The following COL15A1 variants were observed in gnomAD, a reference collection of about 807,000 sequenced individuals.
COL15A1 encodes collagen type XV alpha 1 chain, also known as collagen alpha-1(XV) chain.
A neutral mutation model predicts 165.9 loss-of-function variants in COL15A1; 111 were observed. That is an observed-to-expected ratio of 0.67 (90% CI 0.57 to 0.78). The LOEUF (loss-of-function observed/expected upper bound fraction) is 0.78, where lower values mean the gene tolerates loss of function less well. Among genes scored for constraint, COL15A1 ranks in the 30% least tolerant of loss-of-function variants. COL15A1 has a pLI of 0.00. For synonymous variants in COL15A1, 659 were observed against 674.8 expected (o/e 0.98, Z 0.36); for missense variants, 1,745 against 1,789.7 (o/e 0.98, Z 0.45).
intron 26 of COL15A1, among the ~76,000 whole-genome samples, 185 bp from the exon 27 acceptor site, chr9:99,047,601 A>G (rs1043274703): frequency 1.3e-5 from 2 of 152,152 alleles, no homozygotes; most frequent in African/African-American, 4.8e-5. Context: ...AGGTGCTTCT[A>G]GCTGAGAGCG....
At chr9:99,045,140 TAAA>T (rs2119085774) in intron 26 of COL15A1, among the ~76,000 whole-genome samples, 1 of 152,264 alleles carries the variant, frequency 6.6e-6, no homozygotes, top group Non-Finnish European at 1.5e-5. Context: ...TGAAAGATAA[TAAA>T]CATCACTTCT....
At chr9:99,041,624 G>C (rs1839407747) in intron 23 of COL15A1, among the ~76,000 whole-genome samples, 1 of 152,156 alleles carries the variant, frequency 6.6e-6, no homozygotes, top group Non-Finnish European at 1.5e-5. Context: ...GGATGGGCTG[G>C]GGTGCCAGGC....
chr9:98,945,361 C>T (rs1374926216), intron 2 of COL15A1, among the ~76,000 whole-genome samples: 2 of 152,196 alleles, frequency 1.3e-5, no homozygotes, highest in Non-Finnish European at 2.9e-5. Context: ...GGACTTGAAT[C>T]CAGGTCTGTA....
intron 9 of COL15A1, among the ~76,000 whole-genome samples, chr9:99,005,494 C>T (rs145481988): frequency 1.3e-5 from 2 of 152,252 alleles, no homozygotes; most frequent in Non-Finnish European, 2.9e-5. Flanking sequence ...CACATCATCC[C>T]AAGGCACTTG....
At chr9:99,067,640 G>A (rs761559093) in intron 40 of COL15A1, among the ~76,000 whole-genome samples, 3 of 152,148 alleles carry the variant, frequency 2.0e-5, no homozygotes, top group Non-Finnish European at 4.4e-5. Flanking sequence ...TCTGGGTCCT[G>A]ATGACTGTTT....
chr9:99,055,571 G>C (rs1210875540), intron 34 of COL15A1, among the ~76,000 whole-genome samples, 199 bp downstream of exon 34: 5 of 152,222 alleles, frequency 3.3e-5, no homozygotes, highest in Non-Finnish European at 7.3e-5. Flanking sequence ...AGCTGGTCAA[G>C]GCCACATGAA....
chr9:99,016,089 C>T lies in COL15A1; in HGVS notation c.1617C>T (p.Pro539=), dbSNP rs766301298. The part of the protein sequence containing the change: ...PPPDGPPLPL[P]TVAPERWITP... ...CTGATGGGCCACCGCTGCCCCTGCCCACAGTGGCTCCTGAAAGATGGATCA... is the reference window on the plus strand; with the variant it reads ...CTGATGGGCCACCGCTGCCCCTGCCTACAGTGGCTCCTGAAAGATGGATCA... Residue 539 remains proline (P), a synonymous_variant, in exon 11 of 42, where the codon CCC becomes CCT. Transcript: ENST00000375001. The T allele has an allele frequency of 6.2e-7, 1 of 1,613,052 alleles. No individual in the cohort carries two copies. Among genetic ancestry groups the T allele is most frequent in the South Asian group, 1.1e-5 (1 of 90,998 alleles).
At chr9:98,991,117 C>A (rs1314084813) in intron 5 of COL15A1, among the ~76,000 whole-genome samples, 1 of 152,142 alleles carries the variant, frequency 6.6e-6, no homozygotes, top group Non-Finnish European at 1.5e-5. Context: ...AGTGTTACAG[C>A]TCATAAAGTC....
At chr9:99,062,596 G>C (rs937891866) in intron 38 of COL15A1, among the ~76,000 whole-genome samples, 1 of 152,164 alleles carries the variant, frequency 6.6e-6, no homozygotes, top group Non-Finnish European at 1.5e-5. Flanking sequence ...GGAATCATTG[G>C]TTGGTATAAG....
chr9:99,066,517 G>T (rs1360458619), intron 39 of COL15A1, among the ~76,000 whole-genome samples: 1 of 151,326 alleles, frequency 6.6e-6, no homozygotes, highest in Non-Finnish European at 1.5e-5. Context: ...AGACCCAGAG[G>T]TCTCAAACTT....
rs541268578 is a variant in COL15A1 at position 99,053,755 on chromosome 9, T to A, written c.2951-821T>A. ...CCCCCTGTTGACACCATCATTCCTG[T>A]GATGCTCATATTCCCTCCCCTTCAT... On this transcript the variant is annotated intron_variant, in intron 31 of 41. Transcript: ENST00000375001. Among the ~76,000 whole-genome samples, 9 of 152,318 alleles carry A rather than the reference T, an allele frequency of 5.9e-5. No homozygotes were observed. In the South Asian group the frequency reaches 1.9e-3, roughly 32 times the overall value.
At chr9:98,963,303 A>G (rs1026840342) in intron 2 of COL15A1, among the ~76,000 whole-genome samples, 6 of 152,304 alleles carry the variant, frequency 3.9e-5, no homozygotes, top group African/African-American at 1.4e-4. Context: ...TACTCCCATC[A>G]GAACCCACTG....
intron 7 of COL15A1, among the ~76,000 whole-genome samples, chr9:99,002,912 C>T (rs183340536): frequency 9.5e-4 from 144 of 152,346 alleles, no homozygotes; most frequent in African/African-American, 3.5e-3. Context: ...ACATAGTTTG[C>T]TGTCACCAGC....
intron 6 of COL15A1, among the ~76,000 whole-genome samples, chr9:98,998,783 G>A (rs192904253): frequency 2.6e-5 from 4 of 152,332 alleles, no homozygotes; most frequent in African/African-American, 9.6e-5. Context: ...AACGCAGCTC[G>A]CCTGTTCCCG....
chr9:99,024,746 T>C (rs1430716411), intron 14 of COL15A1, 128 bp from the exon 15 acceptor site: 4 of 1,078,258 alleles, frequency 3.7e-6, no homozygotes, highest in Admixed American at 2.5e-5. Context: ...TTTCCGCATC[T>C]GCTAAGTGGG....
rs558496833 is a variant in COL15A1 at position 99,070,711 on chromosome 9, A to T, written c.*825A>T. On this transcript the variant is annotated 3_prime_UTR_variant, in exon 42 of 42. Transcript: ENST00000375001. Reference sequence around the variant, plus strand: ...TAGAGATGAATTTTCTGAGAAACATATATCTACATGTTGTATAATTGGATT... The same window carrying T: ...TAGAGATGAATTTTCTGAGAAACATTTATCTACATGTTGTATAATTGGATT... 4.7e-6 allele frequency: 2 copies of T among 427,724 alleles called. No homozygotes were observed. The highest frequency in any genetic ancestry group is 9.3e-6 in the Non-Finnish European group (2 of 214,136). 26.5% of individuals were successfully genotyped at this position (427,724 alleles called of 1,614,324 possible). A position where few individuals can be genotyped will look rare whatever the true frequency, so the allele number is the denominator to read the frequency against.
chr9:99,048,911 C>T (rs983091023), intron 28 of COL15A1, among the ~76,000 whole-genome samples: 12 of 152,122 alleles, frequency 7.9e-5, no homozygotes, highest in Non-Finnish European at 1.5e-4. Context: ...AAACACAGCT[C>T]TAAGTCTATT....
chr9:99,052,268 G>A (rs1839602821), intron 30 of COL15A1, 120 bp from the exon 31 acceptor site: 1 of 766,324 alleles, frequency 1.3e-6, no homozygotes, highest in East Asian at 2.4e-5. Flanking sequence ...AGAGCCAAAG[G>A]AAGGCCTGAC....
intron 2 of COL15A1, among the ~76,000 whole-genome samples, chr9:98,974,068 G>C (rs994455403): frequency 2.0e-5 from 3 of 152,232 alleles, no homozygotes; most frequent in African/African-American, 7.2e-5. Flanking sequence ...GGATGTAGAA[G>C]TTGAGGCCGA....
Sources: allele counts gnomAD v4.1 joint callset (sites outside exome capture counted in the v4.1 genomes callset), GRCh38; gene constraint gnomAD v4.1.1; transcripts MANE v1.5; gene names NCBI Gene and HGNC (gene_info 2026-07-23, HGNC 2026-07-21).